The following UBAP1 variants were observed in gnomAD, a reference collection of about 807,000 sequenced individuals.
UBAP1 encodes ubiquitin associated protein 1.
In UBAP1, 5 loss-of-function variants were observed where a neutral mutation model predicts 39.0. The observed-to-expected ratio is 0.13, with a 90% CI of 0.07 to 0.27. UBAP1 has a LOEUF of 0.27. Ranked by LOEUF, UBAP1 falls within the 10% of genes least tolerant of loss-of-function variation. UBAP1 has a pLI of 1.00. For missense variants in UBAP1, 490 were observed against 608.1 expected (o/e 0.81, Z 2.04); for synonymous variants, 211 against 225.1 (o/e 0.94, Z 0.56).
At chr9:34,214,922 T>C (rs189073859) in intron 1 of UBAP1, among the ~76,000 whole-genome samples, 225 of 152,146 alleles carry the variant, frequency 1.5e-3, no homozygotes, top group African/African-American at 5.1e-3. Flanking sequence ...AAAACCACAA[T>C]GTGATACCAC....
At chr9:34,201,447 G>A (rs1460364709) in intron 1 of UBAP1, 1 of 152,040 alleles carries the variant, frequency 6.6e-6, no homozygotes, top group Non-Finnish European at 1.5e-5. Flanking sequence ...GGGATACTGA[G>A]GCAGGAGAAT....
chr9:34,179,623 G>T (rs929051007), intron 1 of UBAP1, among the ~76,000 whole-genome samples: 1 of 152,060 alleles, frequency 6.6e-6, no homozygotes, highest in Non-Finnish European at 1.5e-5. Flanking sequence ...GGGAGTTGAG[G>T]GTGAGCTGGG....
intron 1 of UBAP1, among the ~76,000 whole-genome samples, chr9:34,207,925 T>A (rs1831803363): frequency 6.6e-6 from 1 of 152,218 alleles, no homozygotes. Context: ...CCATCTAATA[T>A]GAAATAACAA....
At chr9:34,224,676 A>G (rs936841819) in intron 2 of UBAP1, 9 of 293,476 alleles carry the variant, frequency 3.1e-5, no homozygotes, top group African/African-American at 1.6e-4. Context: ...AGAGTAAAGT[A>G]TCCTATTTTT....
intron 4 of UBAP1, among the ~76,000 whole-genome samples, chr9:34,243,396 G>A (rs1834058202): frequency 6.6e-6 from 1 of 152,164 alleles, no homozygotes; most frequent in Non-Finnish European, 1.5e-5. Context: ...GTTCATCTCA[G>A]GATGGGAAGA....
At chr9:34,216,964 A>T (rs1207116429) in intron 1 of UBAP1, among the ~76,000 whole-genome samples, 1 of 151,898 alleles carries the variant, frequency 6.6e-6, no homozygotes, top group African/African-American at 2.4e-5. Context: ...TATTCTTCCT[A>T]TGTGATGGTA....
chr9:34,194,593 C>T (rs774544636), intron 1 of UBAP1, among the ~76,000 whole-genome samples: 1 of 152,106 alleles, frequency 6.6e-6, no homozygotes, highest in African/African-American at 2.4e-5. Context: ...GGATTATAGG[C>T]GTGAGCCACC....
chr9:34,217,783 CTTTTTTTTTTTT>C (rs750494361), intron 1 of UBAP1, among the ~76,000 whole-genome samples: 56 of 41,232 alleles, frequency 1.4e-3, no homozygotes, highest in Admixed American at 3.4e-3. Flanking sequence ...GGATTTCGTT[CTTTTTTTTTTTT>C]TTTTTTTTTT....
At chr9:34,181,495 C>T (rs1192660855) in intron 1 of UBAP1, among the ~76,000 whole-genome samples, 2 of 151,310 alleles carry the variant, frequency 1.3e-5, no homozygotes, top group Non-Finnish European at 1.5e-5. Flanking sequence ...TGCAGTGGCG[C>T]GATCTCGGCT....
chr9:34,241,475 A>C lies in UBAP1; in HGVS notation c.450A>C (p.Ile150=), dbSNP rs773929697. The C allele has an allele frequency of 6.2e-7, 1 of 1,613,750 alleles. No homozygotes were observed. Among genetic ancestry groups the C allele is most frequent in the South Asian group, 1.1e-5 (1 of 91,058 alleles). The part of the protein sequence containing the change: ...TKQKVLSPPH[I]KADFNLADFE... ...AGAAAGTTCTCAGCCCACCTCACAT[A>C]AAGGCGGATTTCAATCTTGCTGACT... Residue 150 remains isoleucine (I), a synonymous_variant, in exon 4 of 7, where the codon ATA becomes ATC. Transcript: ENST00000297661.
chr9:34,187,929 C>T lies in UBAP1; in HGVS notation c.-8+8689C>T, dbSNP rs192933980. Among the ~76,000 whole-genome samples the T allele has an allele frequency of 2.1e-3, 312 of 151,178 alleles. 2 individuals are homozygous for T. Among genetic ancestry groups the T allele is most frequent in the Admixed American group, 5.8e-3 (88 of 15,174 alleles). ...AGGTATATGTATAAATACATATATA[C>T]ATCTTGGTGGCATTGATTTTTCTAT... On this transcript the variant is annotated intron_variant, in intron 1 of 6. Coordinates refer to ENST00000297661, the MANE Select transcript of UBAP1 (RefSeq NM_016525.5).
At chr9:34,237,091 C>T (rs774396865) in intron 3 of UBAP1, among the ~76,000 whole-genome samples, 30 of 152,282 alleles carry the variant, frequency 2.0e-4, no homozygotes, top group Non-Finnish European at 4.0e-4. Flanking sequence ...GGGCTTCTTT[C>T]TCAGTCCTCC....
At chr9:34,228,891 C>A (rs997589211) in intron 2 of UBAP1, among the ~76,000 whole-genome samples, 2 of 151,876 alleles carry the variant, frequency 1.3e-5, no homozygotes, top group African/African-American at 4.8e-5. Flanking sequence ...ACGTTCCCAT[C>A]TCTTTAAATG....
chr9:34,234,718 T>A (rs1483882663), intron 3 of UBAP1, among the ~76,000 whole-genome samples: 2 of 152,200 alleles, frequency 1.3e-5, no homozygotes, highest in Non-Finnish European at 2.9e-5. Flanking sequence ...CTCAAGTGTT[T>A]GTGGTGATGC....
chr9:34,220,841 A>T, intron 1 of UBAP1, 67 bp from the exon 2 acceptor site: 1 of 1,427,422 alleles, frequency 7.0e-7, no homozygotes, highest in Admixed American at 1.8e-5. Context: ...TCTTTTTTGT[A>T]CTCTCAATTT....
At chr9:34,242,405 TC>T (rs1290068259) in intron 4 of UBAP1, among the ~76,000 whole-genome samples, 2 of 151,996 alleles carry the variant, frequency 1.3e-5, no homozygotes, top group Non-Finnish European at 2.9e-5. Flanking sequence ...GCCTTGGCCT[TC>T]CAAAGTGCTG....
intron 1 of UBAP1, chr9:34,191,948 C>T (rs1830745586): frequency 6.6e-6 from 1 of 151,438 alleles, no homozygotes; most frequent in South Asian, 2.1e-4. Context: ...TGTTTAAAAA[C>T]CAACCTCTCT....
intron 4 of UBAP1, among the ~76,000 whole-genome samples, chr9:34,247,797 C>A (rs969343580): frequency 6.6e-6 from 1 of 152,132 alleles, no homozygotes; most frequent in Admixed American, 6.5e-5. Flanking sequence ...ACACCCTGTG[C>A]TGGATATTTG....
intron 1 of UBAP1, among the ~76,000 whole-genome samples, chr9:34,188,423 CTTTTTTTTTTTT>C (rs34942688): frequency 8.5e-6 from 1 of 117,204 alleles, no homozygotes; most frequent in Non-Finnish European, 1.7e-5. Flanking sequence ...TAGTCTTCAG[CTTTTTTTTTTTT>C]TTTTTTTTTT....
Sources: allele counts gnomAD v4.1 joint callset (sites outside exome capture counted in the v4.1 genomes callset), GRCh38; gene constraint gnomAD v4.1.1; transcripts MANE v1.5; gene names NCBI Gene and HGNC (gene_info 2026-07-23, HGNC 2026-07-21).